The following CLCN4 variants were observed in gnomAD, a reference collection of about 807,000 sequenced individuals.
CLCN4 encodes the protein Cl-/H+ antiporter 4, also known as H(+)/Cl(-) exchange transporter 4.
Under a neutral mutation model 41.7 loss-of-function variants are expected in CLCN4, and 1 was observed. That is an observed-to-expected ratio of 0.02 (90% CI 0.01 to 0.11). The LOEUF is 0.11. Among genes scored for constraint, CLCN4 ranks in the 10% least tolerant of loss-of-function variants. The probability of loss-of-function intolerance (pLI) is 1.00; values close to 1 mark genes in which losing one functional copy is unlikely to be tolerated. For missense variants in CLCN4, 287 were observed against 661.0 expected (o/e 0.43, Z 6.20); for synonymous variants, 277 against 285.8 (o/e 0.97, Z 0.31).
At chrX:10,226,873 C>A (rs1925002571) in intron 12 of CLCN4, among the ~76,000 whole-genome samples, 1 of 110,635 alleles carries the variant, frequency 9.0e-6, no homozygotes, top group Non-Finnish European at 1.9e-5. Flanking sequence ...CCTGAATAGA[C>A]CAAGTTCTGA....
intron 2 of CLCN4, among the ~76,000 whole-genome samples, chrX:10,172,296 C>T (rs2147160788): frequency 8.9e-6 from 1 of 112,046 alleles, no homozygotes; most frequent in Admixed American, 9.5e-5. Context: ...ATACCTATTC[C>T]CAATAATGCA....
rs200000592 is a variant in CLCN4 at position 10,206,824 on chromosome X, C to T, written c.843+48C>T. On this transcript the variant is annotated intron_variant, in intron 8 of 12. Transcript: ENST00000380833. Reference sequence around the variant, plus strand: ...ATTCGTGATTTTGAGCAGCAAGGCCCGTTGAGGGTTAGAATCAAAGAAGTA... The same window carrying T: ...ATTCGTGATTTTGAGCAGCAAGGCCTGTTGAGGGTTAGAATCAAAGAAGTA... The T allele has an allele frequency of 2.5e-4, 226 of 908,860 alleles. 2 individuals are homozygous for T. The highest frequency in any genetic ancestry group is 1.6e-3 in the Middle Eastern group (5 of 3,101). 74.9% of individuals were successfully genotyped at this position (908,860 alleles called of 1,213,427 possible). A position where few individuals can be genotyped will look rare whatever the true frequency, so the allele number is the denominator to read the frequency against.
chrX:10,202,769 C>T (rs896997243), intron 6 of CLCN4, among the ~76,000 whole-genome samples: 12 of 109,421 alleles, frequency 1.1e-4, no homozygotes, highest in Admixed American at 3.0e-4. Flanking sequence ...GAACCACTGT[C>T]GTGTCAACTA....
At position 10,187,593 on chromosome X, in the gene CLCN4, C is replaced by T. The variant is rs919124115; in HGVS notation, c.223C>T (p.Leu75=). The T allele has an allele frequency of 5.8e-6, 7 of 1,210,233 alleles. No homozygotes were observed. The South Asian group carries it at 8.8e-5, about 15-fold the overall frequency. Residue 75 remains leucine (L), a synonymous_variant, in exon 4 of 13, where the codon CTG becomes TTG. Transcript: ENST00000380833. ...LDAWSGWVVM[L]LIGLLAGTLA... is the part of the protein sequence containing the mutation. ...TGCCTGGTCGGGATGGGTGGTGATG[C>T]TGCTCATCGGCCTGCTGGCGGGTAC...
At position 10,206,537 on chromosome X, in the gene CLCN4, C is replaced by T; in HGVS notation, c.735C>T (p.Tyr245=). The change falls in exon 7 of 13, where the codon TAC becomes TAT. Residue 245 remains tyrosine, a synonymous_variant. Transcript: ENST00000380833. The part of the protein sequence containing the change: ...GNFFSSLFSK[Y]SKNEGKRREV... Reference sequence around the variant, plus strand: ...TCTTCAGCAGCCTTTTCTCCAAGTACAGCAAGAATGAGGGCAAGAGGCGGG... The same window carrying T: ...TCTTCAGCAGCCTTTTCTCCAAGTATAGCAAGAATGAGGGCAAGAGGCGGG... The T allele has an allele frequency of 1.7e-6, 2 of 1,210,789 alleles. No individual in the cohort carries two copies. The highest frequency in any genetic ancestry group is 2.2e-6 in the Non-Finnish European group (2 of 894,886).
At chrX:10,230,236 C>T (rs1191992684) in intron 12 of CLCN4, among the ~76,000 whole-genome samples, 1 of 111,275 alleles carries the variant, frequency 9.0e-6, no homozygotes, top group African/African-American at 3.3e-5. Context: ...ATTGGGAAAC[C>T]TTTATTTCTT....
In CLCN4 at chrX:10,194,930, C is replaced by T. The variant is rs749839151; in HGVS notation, c.264C>T (p.Ile88=). ...GLLAGTLAGV[I]DLAVDWMTDL... Reference sequence around the variant, plus strand: ...TTCCAGGCACCTTGGCTGGGGTCATCGATCTCGCCGTGGACTGGATGACGG... The same window carrying T: ...TTCCAGGCACCTTGGCTGGGGTCATTGATCTCGCCGTGGACTGGATGACGG... The change falls in exon 5 of 13, where the codon ATC becomes ATT. Residue 88 remains isoleucine (I), a synonymous_variant. Coordinates refer to ENST00000380833, the MANE Select transcript of CLCN4 (RefSeq NM_001830.4). 1.6e-4 allele frequency: 199 copies of T among 1,209,142 alleles called. No homozygotes were observed. Among genetic ancestry groups the T allele is most frequent in the Middle Eastern group, 1.1e-3 (5 of 4,360 alleles).
At chrX:10,232,168 A>G (rs963781624) in intron 12 of CLCN4, among the ~76,000 whole-genome samples, 6 of 111,971 alleles carry the variant, frequency 5.4e-5, no homozygotes, top group Non-Finnish European at 1.1e-4. Context: ...AGGGAAACCA[A>G]CACAAGAAAC....
rs542138354 is a variant in CLCN4 at position 10,228,421 on chromosome X, C to T, written c.2193-5073C>T. Among the ~76,000 whole-genome samples the T allele has an allele frequency of 3.6e-4, 40 of 110,873 alleles. 1 individual carries two copies. Among genetic ancestry groups the T allele is most frequent in the African/African-American group, 1.3e-3 (40 of 30,435 alleles). On this transcript the variant is annotated intron_variant, in intron 12 of 12. Coordinates refer to ENST00000380833, the MANE Select transcript of CLCN4 (RefSeq NM_001830.4). Reference sequence around the variant, plus strand: ...TGATGGAGAACCCTGCCAGCCGACCCTGACCCTTGAGGACATCAATCCCCT... The same window carrying T: ...TGATGGAGAACCCTGCCAGCCGACCTTGACCCTTGAGGACATCAATCCCCT...
At chrX:10,224,954 G>A (rs1924953997) in intron 12 of CLCN4, among the ~76,000 whole-genome samples, 1 of 112,091 alleles carries the variant, frequency 8.9e-6, no homozygotes, top group African/African-American at 3.2e-5. Context: ...CGTATTCCAT[G>A]GTATATATGT....
At chrX:10,187,678 AC>A (rs1923849446) in intron 4 of CLCN4, 64 bp downstream of exon 4, 3 of 853,795 alleles carry the variant, frequency 3.5e-6, no homozygotes. Context: ...CAAAACACGA[AC>A]CCTCTGGGAG....
intron 2 of CLCN4, among the ~76,000 whole-genome samples, chrX:10,165,136 C>T (rs1221394375): frequency 8.8e-6 from 1 of 113,225 alleles, no homozygotes; most frequent in Non-Finnish European, 1.9e-5. Context: ...TGCCTGCTGG[C>T]TTGCCATCTT....
rs1924582259 is a variant in CLCN4, at chrX:10,212,448, TTC to T, written c.1390-15_1390-14del. The T allele has an allele frequency of 8.3e-7, 1 of 1,204,202 alleles. No homozygotes were observed. Among genetic ancestry groups the T allele is most frequent in the Non-Finnish European group, 1.1e-6 (1 of 889,596 alleles). ...TTGGTCTTTTTCCCTCATGTTGCTTTTCTCTGTGTCTCCTCAAGATCCCGTCG... is the reference window on the plus strand; with the variant it reads ...TTGGTCTTTTTCCCTCATGTTGCTTTTCTGTGTCTCCTCAAGATCCCGTCG... On this transcript the variant is annotated splice_polypyrimidine_tract_variant and intron_variant, in intron 9 of 12. Coordinates refer to ENST00000380833, the MANE Select transcript of CLCN4 (RefSeq NM_001830.4).
intron 6 of CLCN4, among the ~76,000 whole-genome samples, chrX:10,199,228 A>G (rs936667793): frequency 8.9e-6 from 1 of 112,426 alleles, no homozygotes; most frequent in African/African-American, 3.2e-5. Flanking sequence ...CATGCCATGC[A>G]AAATCACACA....
At chrX:10,221,402 C>T (rs1924857591) in intron 12 of CLCN4, among the ~76,000 whole-genome samples, 1 of 111,710 alleles carries the variant, frequency 9.0e-6, no homozygotes, top group Non-Finnish European at 1.9e-5. Flanking sequence ...TGGCTCGTGC[C>T]TGTAATCTCA....
intron 6 of CLCN4, among the ~76,000 whole-genome samples, chrX:10,202,699 G>A (rs1234298969): frequency 1.9e-5 from 2 of 104,774 alleles, no homozygotes; most frequent in African/African-American, 7.0e-5. Flanking sequence ...TGTTGCACGT[G>A]GGACTTGAGA....
intron 12 of CLCN4, among the ~76,000 whole-genome samples, chrX:10,222,435 G>T (rs945772268): frequency 8.1e-5 from 9 of 111,542 alleles, no homozygotes; most frequent in African/African-American, 2.9e-4. Flanking sequence ...GACTCCAGAG[G>T]CTCAACTATC....
intron 2 of CLCN4, among the ~76,000 whole-genome samples, chrX:10,164,998 C>CT (rs1187486200): frequency 8.9e-6 from 1 of 112,536 alleles, no homozygotes; most frequent in Non-Finnish European, 1.9e-5. Context: ...TTCTCTGTGG[C>CT]TGGAGGGTCA....
intron 2 of CLCN4, among the ~76,000 whole-genome samples, chrX:10,175,525 C>T: frequency 9.0e-6 from 1 of 111,692 alleles, no homozygotes; most frequent in South Asian, 3.7e-4. Context: ...GTAAAGGCTG[C>T]TTGTGATGAG....
Sources: gnomAD v4.1 joint callset for allele counts (sites outside exome capture counted in the v4.1 genomes callset) on GRCh38, gnomAD v4.1.1 for gene constraint, MANE v1.5 for transcripts, NCBI Gene and HGNC (gene_info 2026-07-23, HGNC 2026-07-21) for gene names.